CTNNA2: variants seen among roughly 807,000 people sequenced by gnomAD.
CTNNA2 encodes catenin alpha 2.
A neutral mutation model predicts 101.0 loss-of-function variants in CTNNA2; 42 were observed. That is an observed-to-expected ratio of 0.42 (90% CI 0.32 to 0.54). The LOEUF (loss-of-function observed/expected upper bound fraction) is 0.54. Among genes scored for constraint, CTNNA2 ranks in the 20% least tolerant of loss-of-function variants. CTNNA2 has a pLI of 0.14. For synonymous variants in CTNNA2, 450 were observed against 456.4 expected (o/e 0.99, Z 0.18); for missense variants, 871 against 1,223.1 (o/e 0.71, Z 4.29).
chr2:80,309,869 C>CAA (rs200164253), intron 7 of CTNNA2, among the ~76,000 whole-genome samples: 4 of 105,050 alleles, frequency 3.8e-5, no homozygotes, highest in African/African-American at 7.4e-5. Flanking sequence ...TACCACATCT[C>CAA]AAAAAAAAAA....
chr2:79,906,802 C>T (rs532427220), intron 6 of CTNNA2, among the ~76,000 whole-genome samples: 16 of 152,256 alleles, frequency 1.1e-4, no homozygotes, highest in African/African-American at 3.4e-4. Context: ...ATTTGGGAAA[C>T]GCTACAGTGA....
intron 9 of CTNNA2, among the ~76,000 whole-genome samples, chr2:80,449,041 G>A (rs1683286485): frequency 2.0e-5 from 3 of 152,108 alleles, no homozygotes; most frequent in Non-Finnish European, 1.5e-5. Flanking sequence ...GATGATATGG[G>A]TTTGTACACG....
chr2:79,976,931 T>C (rs1690890114), intron 7 of CTNNA2, among the ~76,000 whole-genome samples: 2 of 152,134 alleles, frequency 1.3e-5, no homozygotes, highest in Admixed American at 1.3e-4. Flanking sequence ...AGTGATCAAA[T>C]TGTTTCTTAA....
chr2:79,832,193 C>T (rs1574083305), intron 3 of CTNNA2, among the ~76,000 whole-genome samples: 1 of 152,124 alleles, frequency 6.6e-6, no homozygotes, highest in African/African-American at 2.4e-5. Flanking sequence ...TGGCCATGTT[C>T]CATGTGCTAC....
chr2:79,636,182 A>G (rs1310205213), intron 1 of CTNNA2, among the ~76,000 whole-genome samples: 3 of 144,074 alleles, frequency 2.1e-5, no homozygotes, highest in South Asian at 2.4e-4. Flanking sequence ...AGGCAGGAGA[A>G]TGGCGTGGAC....
intron 7 of CTNNA2, among the ~76,000 whole-genome samples, chr2:80,168,853 C>T (rs1198496501): frequency 6.6e-6 from 1 of 151,976 alleles, no homozygotes; most frequent in Non-Finnish European, 1.5e-5. Context: ...CGAATTAGAA[C>T]ATTTCCAACC....
At chr2:79,959,357 C>A (rs1373196887) in intron 7 of CTNNA2, among the ~76,000 whole-genome samples, 1 of 152,176 alleles carries the variant, frequency 6.6e-6, no homozygotes, top group African/African-American at 2.4e-5. Context: ...TAATTTAGAA[C>A]ACAGTTGAAA....
chr2:80,599,028 T>C (rs1697237234), intron 15 of CTNNA2, among the ~76,000 whole-genome samples: 1 of 152,176 alleles, frequency 6.6e-6, no homozygotes, highest in Non-Finnish European at 1.5e-5. Flanking sequence ...ATCAATTTCC[T>C]GGTTTTGCTA....
At chr2:80,043,075 CTT>C (rs1318379873) in intron 7 of CTNNA2, among the ~76,000 whole-genome samples, 4 of 43,034 alleles carry the variant, frequency 9.3e-5, no homozygotes, top group South Asian at 5.6e-4. Flanking sequence ...TTCTTTCTTT[CTT>C]TCTTTCTTTC....
rs144963162 is a variant in CTNNA2, at chr2:79,873,896, G to C, written c.586-180G>C. Among the ~76,000 whole-genome samples the C allele has an allele frequency of 2.8e-3, 428 of 152,256 alleles. 2 individuals carry two copies. The highest frequency in any genetic ancestry group is 0.01 in the African/African-American group (418 of 41,558). ...CAACCTAGGTCACTATAGAGACCTAGCTGTCTCTATAAAACAGACAAACAA... is the reference window on the plus strand; with the variant it reads ...CAACCTAGGTCACTATAGAGACCTACCTGTCTCTATAAAACAGACAAACAA... On this transcript the variant is annotated intron_variant, in intron 5 of 18. Coordinates refer to ENST00000402739, the MANE Select transcript of CTNNA2 (RefSeq NM_001282597.3).
At chr2:79,190,604 A>T (rs1455682670) in intron 1 of CTNNA2, among the ~76,000 whole-genome samples, 1 of 152,130 alleles carries the variant, frequency 6.6e-6, no homozygotes, top group Non-Finnish European at 1.5e-5. Flanking sequence ...TTCTAAGTCT[A>T]CTTTTTGGCT....
Position 80,116,386 on chromosome 2 carries a change from A to C in CTNNA2, c.1056+206589A>C, listed in dbSNP as rs1558823664. ...TAGCCCCTAAAAAGCTAAAAAAAAA[A>C]AAAAAAAAGAACGACACAATTAGAT... On this transcript the variant is annotated intron_variant, in intron 7 of 18. Coordinates refer to ENST00000402739, the MANE Select transcript of CTNNA2 (RefSeq NM_001282597.3). Among the ~76,000 whole-genome samples, 4 of 152,144 alleles carry C rather than the reference A, an allele frequency of 2.6e-5. No individual in the cohort carries two copies. In the South Asian group the frequency reaches 8.3e-4, roughly 32 times the overall value.
rs145128610 is a variant in CTNNA2 at position 79,470,337 on chromosome 2, T to TA, written c.-134-34712dup. On this transcript the variant is annotated intron_variant, in intron 4 of 21. Transcript: ENST00000466387. ...GGGTAAGAAAACAATGCCCTGTCTC[T>TA]AAAAATAATAACAACAATAAAAAGC... Among the ~76,000 whole-genome samples the TA allele has an allele frequency of 0.011, 1,622 of 152,192 alleles. 79 individuals are homozygous for TA. In the East Asian group the frequency reaches 0.13, roughly 12 times the overall value.
intron 2 of CTNNA2, among the ~76,000 whole-genome samples, chr2:79,224,617 G>C (rs1368325601): frequency 1.3e-5 from 2 of 151,776 alleles, no homozygotes; most frequent in Non-Finnish European, 2.9e-5. Context: ...TGACATGCAT[G>C]CATGCATGGT....
intron 1 of CTNNA2, among the ~76,000 whole-genome samples, chr2:79,196,412 T>C (rs1673962394): frequency 6.6e-6 from 1 of 152,212 alleles, no homozygotes. Flanking sequence ...CATATTGAGA[T>C]CTCTTTTACC....
chr2:79,909,597 A>G lies in CTNNA2; in HGVS notation c.856A>G (p.Lys286Glu), dbSNP rs1448458965. Residue 286 changes from lysine to glutamate, a missense_variant, in exon 7 of 19, where the codon AAG becomes GAG. By Grantham distance (56) the Lys-to-Glu change is moderately conservative (BLOSUM62 1). This residue lies in a region of CTNNA2 where 647 missense variants were observed against 831.5 expected (regional missense o/e 0.78). Transcript: ENST00000402739. ...LAAALNEFDN[K>E]IILDPMTFSE... is the part of the protein sequence containing the mutation. Reference sequence around the variant, plus strand: ...TGTGTGTGTGTGATACTTTCAGAATAAGATTATCCTGGACCCCATGACGTT... The same window carrying G: ...TGTGTGTGTGTGATACTTTCAGAATGAGATTATCCTGGACCCCATGACGTT... 1 of 1,602,774 alleles carries G rather than the reference A, an allele frequency of 6.2e-7. No homozygotes were observed. The highest frequency in any genetic ancestry group is 2.2e-5 in the East Asian group (1 of 44,488).
At chr2:80,375,483 G>A (rs1432346023) in intron 7 of CTNNA2, among the ~76,000 whole-genome samples, 1 of 151,948 alleles carries the variant, frequency 6.6e-6, no homozygotes, top group African/African-American at 2.4e-5. Flanking sequence ...CCATAACATG[G>A]TGACCCACCC....
chr2:80,311,820 T>C (rs914306877), intron 7 of CTNNA2, among the ~76,000 whole-genome samples: 5 of 152,252 alleles, frequency 3.3e-5, no homozygotes, highest in Non-Finnish European at 5.9e-5. Context: ...ATTTGGGATT[T>C]CTATTAACAC....
intron 4 of CTNNA2, among the ~76,000 whole-genome samples, chr2:79,451,362 C>T (rs545086205): frequency 2.6e-5 from 4 of 151,812 alleles, no homozygotes; most frequent in African/African-American, 9.7e-5. Context: ...AATTCAGATA[C>T]GTTTTTGAAA....
Sources: gnomAD v4.1 joint callset for allele counts (sites outside exome capture counted in the v4.1 genomes callset) on GRCh38, gnomAD v4.1.1 for gene constraint, gnomAD v4.1.1 regional missense constraint, MANE v1.5 for transcripts, NCBI Gene and HGNC (gene_info 2026-07-23, HGNC 2026-07-21) for gene names.